SH3GL2: variants seen among roughly 807,000 people sequenced by gnomAD.
The protein encoded by SH3GL2 is SH3 domain containing GRB2 like 2, endophilin A1, also known as endophilin-A1.
SH3GL2 carries 24 observed loss-of-function variants against 46.0 expected under a neutral mutation model. That is an observed-to-expected ratio of 0.52 (90% CI 0.38 to 0.73). SH3GL2 has a LOEUF of 0.73. SH3GL2 is among the 30% of genes least tolerant of loss of function. The pLI, the probability that SH3GL2 is intolerant of heterozygous loss-of-function variation, is 0.00. For synonymous variants in SH3GL2, 196 were observed against 147.1 expected, an observed-to-expected ratio of 1.33 and a Z score of -2.40; for missense variants, 413 against 424.2, an observed-to-expected ratio of 0.97 and a Z score of 0.23.
chr9:17,743,640 C>T (rs1822597741), intron 1 of SH3GL2, among the ~76,000 whole-genome samples: 1 of 150,788 alleles, frequency 6.6e-6, no homozygotes, highest in South Asian at 2.1e-4. Flanking sequence ...GATTTGACCC[C>T]GTTGTGTTAT....
At chr9:17,742,277 G>A (rs1017012456) in intron 1 of SH3GL2, among the ~76,000 whole-genome samples, 2 of 152,132 alleles carry the variant, frequency 1.3e-5, no homozygotes, top group African/African-American at 2.4e-5. Flanking sequence ...TGTCTTCTGC[G>A]TAGAGGTGAC....
At chr9:17,709,595 A>G (rs1454626688) in intron 1 of SH3GL2, among the ~76,000 whole-genome samples, 2 of 151,840 alleles carry the variant, frequency 1.3e-5, no homozygotes, top group African/African-American at 4.8e-5. Context: ...GAATAATTAC[A>G]TGTTACATAT....
chr9:17,675,225 A>G (rs1011265129), intron 1 of SH3GL2, among the ~76,000 whole-genome samples: 2 of 152,160 alleles, frequency 1.3e-5, no homozygotes, highest in Non-Finnish European at 2.9e-5. Context: ...AGACAGTGCA[A>G]TAAACATTTG....
At chr9:17,697,983 G>A (rs759294407) in intron 1 of SH3GL2, among the ~76,000 whole-genome samples, 1 of 152,212 alleles carries the variant, frequency 6.6e-6, no homozygotes, top group African/African-American at 2.4e-5. Flanking sequence ...TCTGCGTTCC[G>A]TTTGTCTGTG....
intron 1 of SH3GL2, among the ~76,000 whole-genome samples, chr9:17,614,425 A>G (rs1818940969): frequency 1.3e-5 from 2 of 151,880 alleles, no homozygotes; most frequent in Admixed American, 1.3e-4. Context: ...TGTCAAGGAA[A>G]TTGACTTGGC....
At chr9:17,778,887 T>C (rs748174477) in intron 3 of SH3GL2, among the ~76,000 whole-genome samples, 3 of 152,124 alleles carry the variant, frequency 2.0e-5, no homozygotes, top group Non-Finnish European at 4.4e-5. Flanking sequence ...TTCATTAATA[T>C]TGAGAGTACT....
intron 1 of SH3GL2, among the ~76,000 whole-genome samples, chr9:17,672,829 C>T (rs770281219): frequency 8.5e-5 from 13 of 152,158 alleles, no homozygotes; most frequent in Non-Finnish European, 1.5e-4. Context: ...AACTCTTGTG[C>T]TTATATGAAT....
intron 1 of SH3GL2, among the ~76,000 whole-genome samples, chr9:17,658,110 C>A (rs1820132523): frequency 6.6e-6 from 1 of 152,204 alleles, no homozygotes; most frequent in African/African-American, 2.4e-5. Context: ...ATGCCTCTTT[C>A]TGGCATTCAA....
intron 7 of SH3GL2, among the ~76,000 whole-genome samples, 157 bp downstream of exon 7, chr9:17,791,491 T>A (rs528108608): frequency 6.6e-6 from 1 of 152,348 alleles, no homozygotes. Context: ...TTTTGTTTTT[T>A]CTTGTGCTTT....
At chr9:17,666,632 T>C (rs1310603604) in intron 1 of SH3GL2, among the ~76,000 whole-genome samples, 1 of 151,290 alleles carries the variant, frequency 6.6e-6, no homozygotes, top group East Asian at 2.0e-4. Flanking sequence ...TTCTCATTCA[T>C]CCTAACAGCT....
chr9:17,787,489 T>C lies in SH3GL2; in HGVS notation c.441T>C (p.His147=), dbSNP rs1177381533. 2 of 1,613,000 alleles carry C rather than the reference T, an allele frequency of 1.2e-6. No individual in the cohort carries two copies. The highest frequency in any genetic ancestry group is 1.3e-5 in the African/African-American group (1 of 74,890). The change falls in exon 5 of 9, where the codon CAT becomes CAC. Residue 147 remains histidine, a synonymous_variant. Coordinates refer to ENST00000380607, the MANE Select transcript of SH3GL2 (RefSeq NM_003026.5). ...QNFIDPLQNL[H]DKDLREIQHH... ...TCATTGACCCTCTTCAGAATCTTCA[T>C]GACAAAGATCTTAGGGAAATTCAAG...
intron 1 of SH3GL2, among the ~76,000 whole-genome samples, chr9:17,683,059 C>G (rs1820814845): frequency 6.6e-6 from 1 of 152,040 alleles, no homozygotes; most frequent in Non-Finnish European, 1.5e-5. Flanking sequence ...AGCCTGAAAT[C>G]TAAGGAAAAG....
At chr9:17,655,257 A>G (rs533237590) in intron 1 of SH3GL2, among the ~76,000 whole-genome samples, 1 of 152,156 alleles carries the variant, frequency 6.6e-6, no homozygotes, top group Non-Finnish European at 1.5e-5. Flanking sequence ...GAATTCATGT[A>G]GTACTTCCTT....
chr9:17,795,371 C>T (rs555022013), intron 8 of SH3GL2, among the ~76,000 whole-genome samples, 173 bp from the exon 9 acceptor site: 1 of 152,242 alleles, frequency 6.6e-6, no homozygotes, highest in South Asian at 2.1e-4. Flanking sequence ...GCAAGATGCC[C>T]AGTGCAGTGG....
At chr9:17,786,605 C>G in intron 4 of SH3GL2, 81 bp downstream of exon 4, 2 of 1,417,636 alleles carry the variant, frequency 1.4e-6, no homozygotes, top group South Asian at 1.2e-5. Flanking sequence ...TGTAGGGAAT[C>G]GGTCAAATCA....
chr9:17,631,252 C>T (rs144310886), intron 1 of SH3GL2, among the ~76,000 whole-genome samples: 123 of 152,294 alleles, frequency 8.1e-4, no homozygotes, highest in Middle Eastern at 6.8e-3. Context: ...TGTTTTCTCT[C>T]ATCCATCCCC....
intron 1 of SH3GL2, among the ~76,000 whole-genome samples, chr9:17,673,931 C>T (rs1198711594): frequency 6.6e-6 from 1 of 152,168 alleles, no homozygotes; most frequent in Non-Finnish European, 1.5e-5. Flanking sequence ...CTGTGTCTAT[C>T]TCTATGATAG....
chr9:17,648,106 T>A lies in SH3GL2; in HGVS notation c.45+68819T>A, dbSNP rs143179746. The stretch of plus-strand genomic sequence containing the variant: ...ACATATAACATACAAAATGTGTTCA[T>A]AACTGTTTGTGTTATTGGCAAGTCT... On this transcript the variant is annotated intron_variant, in intron 1 of 8. Coordinates refer to ENST00000380607, the MANE Select transcript of SH3GL2 (RefSeq NM_003026.5). 3.2e-3 allele frequency among the ~76,000 whole-genome samples: 480 copies of A among 152,354 alleles called. 5 individuals are homozygous for A. Among genetic ancestry groups the A allele is most frequent in the African/African-American group, 0.011 (468 of 41,586 alleles).
At chr9:17,646,843 C>G (rs951567394) in intron 1 of SH3GL2, among the ~76,000 whole-genome samples, 2 of 152,194 alleles carry the variant, frequency 1.3e-5, no homozygotes, top group Admixed American at 6.5e-5. Context: ...CATCAGGAGG[C>G]ACAGGGGTCA....
Sources: gnomAD v4.1 joint callset for allele counts (sites outside exome capture counted in the v4.1 genomes callset) on GRCh38, gnomAD v4.1.1 for gene constraint, MANE v1.5 for transcripts, NCBI Gene and HGNC (gene_info 2026-07-23, HGNC 2026-07-21) for gene names.